MYT1L: variants seen among roughly 807,000 people sequenced by gnomAD.
The protein encoded by MYT1L is myelin transcription factor 1-like protein.
MYT1L carries 12 observed loss-of-function variants against 126.7 expected under a neutral mutation model. The ratio of observed to expected loss-of-function variants is 0.09; its 90% CI spans 0.06 to 0.15. The LOEUF is 0.15. MYT1L is among the 10% of genes least tolerant of loss of function. MYT1L has a pLI of 1.00. For missense variants in MYT1L, 979 were observed against 1,585.2 expected (o/e 0.62, Z 6.49); for synonymous variants, 541 against 604.2 (o/e 0.90, Z 1.53).
At chr2:2,047,200 C>T (rs2068289364) in intron 4 of MYT1L, among the ~76,000 whole-genome samples, 1 of 152,166 alleles carries the variant, frequency 6.6e-6, no homozygotes, top group African/African-American at 2.4e-5. Flanking sequence ...TTATTCATTT[C>T]ATTTCTGCAG....
intron 21 of MYT1L, among the ~76,000 whole-genome samples, 158 bp from the exon 22 acceptor site, chr2:1,809,325 T>C (rs1054331384): frequency 6.6e-6 from 1 of 152,184 alleles, no homozygotes; most frequent in Non-Finnish European, 1.5e-5. Context: ...ATGCATACAG[T>C]ATGACAGTTA....
chr2:1,860,500 G>A (rs2044453872), intron 18 of MYT1L, among the ~76,000 whole-genome samples: 1 of 152,194 alleles, frequency 6.6e-6, no homozygotes, highest in African/African-American at 2.4e-5. Flanking sequence ...TGGGATGCTG[G>A]GGCCTGGGGT....
intron 2 of MYT1L, among the ~76,000 whole-genome samples, chr2:2,184,436 A>G (rs1559264418): frequency 6.6e-6 from 1 of 152,116 alleles, no homozygotes; most frequent in Non-Finnish European, 1.5e-5. Flanking sequence ...ACTGACGTTT[A>G]TTTTCAGGCA....
At chr2:1,972,343 C>G (rs926847099) in intron 8 of MYT1L, among the ~76,000 whole-genome samples, 4 of 133,940 alleles carry the variant, frequency 3.0e-5, no homozygotes, top group African/African-American at 1.4e-4. Flanking sequence ...GTTAAACTTT[C>G]AAGCGTGGTT....
At chr2:2,243,838 C>T (rs2094482226) in intron 2 of MYT1L, among the ~76,000 whole-genome samples, 1 of 152,140 alleles carries the variant, frequency 6.6e-6, no homozygotes, top group South Asian at 2.1e-4. Flanking sequence ...TATGAAGCAA[C>T]AAGGAGGCTC....
intron 3 of MYT1L, among the ~76,000 whole-genome samples, chr2:2,160,563 A>G (rs2087702746): frequency 6.6e-6 from 1 of 152,212 alleles, no homozygotes; most frequent in Non-Finnish European, 1.5e-5. Flanking sequence ...CAGGCTGACA[A>G]CCTGGGCAAC....
At chr2:2,277,422 C>T (rs2149379301) in intron 2 of MYT1L, among the ~76,000 whole-genome samples, 1 of 152,294 alleles carries the variant, frequency 6.6e-6, no homozygotes, top group South Asian at 2.1e-4. Flanking sequence ...GACAGGGTCC[C>T]ACGGGTGGAC....
At chr2:2,064,928 C>T (rs576945594) in intron 3 of MYT1L, among the ~76,000 whole-genome samples, 1 of 152,048 alleles carries the variant, frequency 6.6e-6, no homozygotes, top group African/African-American at 2.4e-5. Flanking sequence ...TACAGTGACT[C>T]TTGTGCCTGC....
intron 3 of MYT1L, among the ~76,000 whole-genome samples, chr2:2,140,200 G>A (rs1435960602): frequency 6.6e-6 from 1 of 152,062 alleles, no homozygotes; most frequent in Non-Finnish European, 1.5e-5. Flanking sequence ...ACTGTTAAAT[G>A]TAAAATCATC....
chr2:2,248,014 A>G (rs2149195903), intron 2 of MYT1L, among the ~76,000 whole-genome samples: 1 of 152,254 alleles, frequency 6.6e-6, no homozygotes, highest in African/African-American at 2.4e-5. Flanking sequence ...AAAACTTAGT[A>G]GAAGAAAATA....
chr2:1,865,516 C>T (rs2045344652), intron 18 of MYT1L, among the ~76,000 whole-genome samples: 1 of 152,166 alleles, frequency 6.6e-6, no homozygotes. Flanking sequence ...TGCCCATCCG[C>T]ATCGTTAGGA....
At chr2:2,329,175 A>G (rs1237450748) in intron 1 of MYT1L, among the ~76,000 whole-genome samples, 2 of 152,206 alleles carry the variant, frequency 1.3e-5, no homozygotes, top group East Asian at 1.9e-4. Context: ...AGCACTGTCT[A>G]CAGAACAATG....
chr2:2,098,080 G>A (rs1217136187), intron 3 of MYT1L, among the ~76,000 whole-genome samples: 1 of 152,134 alleles, frequency 6.6e-6, no homozygotes, highest in Non-Finnish European at 1.5e-5. Flanking sequence ...AGCATATGGT[G>A]CCATGCTTGT....
chr2:2,266,480 T>C (rs1319802776), intron 2 of MYT1L, among the ~76,000 whole-genome samples: 11 of 151,854 alleles, frequency 7.2e-5, no homozygotes. Context: ...GTAGTAAAAA[T>C]ATTGATGGGG....
At chr2:1,870,420 G>A (rs2046132405) in intron 18 of MYT1L, among the ~76,000 whole-genome samples, 1 of 152,164 alleles carries the variant, frequency 6.6e-6, no homozygotes, top group South Asian at 2.1e-4. Context: ...CAGCAGCCTG[G>A]AAACTTCTCA....
chr2:2,330,727 T>G (rs2096279792), intron 1 of MYT1L, among the ~76,000 whole-genome samples: 1 of 152,234 alleles, frequency 6.6e-6, no homozygotes, highest in South Asian at 2.1e-4. Context: ...GTTTCTTTTT[T>G]TCTTAATAAA....
At chr2:1,810,614 A>C (rs2036461343) in intron 21 of MYT1L, among the ~76,000 whole-genome samples, 2 of 152,188 alleles carry the variant, frequency 1.3e-5, no homozygotes, top group African/African-American at 4.8e-5. Flanking sequence ...TCATTATTAG[A>C]AATATCTCTA....
chr2:1,922,145 T>C lies in MYT1L; in HGVS notation c.1483+141A>G, dbSNP rs1291430575. The C allele has an allele frequency of 2.6e-6, 3 of 1,157,236 alleles. No homozygotes were observed. The highest frequency in any genetic ancestry group is 1.6e-5 in the African/African-American group (1 of 64,186). 71.7% of individuals were successfully genotyped at this position (1,157,236 alleles called of 1,614,324 possible). The stretch of plus-strand genomic sequence containing the variant: ...GCTTGTCAGAAACGTAATCACAAAA[T>C]ATCCTTCTGGAATCAACTCTAAGAA... On this transcript the variant is annotated intron_variant, in intron 10 of 24. Transcript: ENST00000647738. The surrounding 1 kb of genome is among the most constrained non-coding windows in gnomAD (Gnocchi z 7.4).
At chr2:1,859,415 C>T (rs746154836) in intron 18 of MYT1L, among the ~76,000 whole-genome samples, 6 of 152,040 alleles carry the variant, frequency 3.9e-5, no homozygotes, top group African/African-American at 9.7e-5. Flanking sequence ...TTTTTCATGA[C>T]GCAGATGAGA....
Sources: allele counts gnomAD v4.1 joint callset (sites outside exome capture counted in the v4.1 genomes callset), GRCh38; gene constraint gnomAD v4.1.1; non-coding constraint Gnocchi (gnomAD v3.1); transcripts MANE v1.5; gene names NCBI Gene and HGNC (gene_info 2026-07-23, HGNC 2026-07-21).